Variants in SLC14A2 observed in about 807,000 individuals in gnomAD.
The protein encoded by SLC14A2 is solute carrier family 14 member 2.
SLC14A2 carries 91 observed loss-of-function variants against 104.6 expected under a neutral mutation model. The ratio of observed to expected loss-of-function variants is 0.87; its 90% CI spans 0.73 to 1.04. The LOEUF (loss-of-function observed/expected upper bound fraction) is 1.04, where lower values mean the gene tolerates loss of function less well. Ranked by LOEUF, SLC14A2 falls within the 50% of genes least tolerant of loss-of-function variation. SLC14A2 has a pLI of 0.00. For missense variants in SLC14A2, 1,189 were observed against 1,156.0 expected, an observed-to-expected ratio of 1.03 and a Z score of -0.41; for synonymous variants, 476 against 466.4, an observed-to-expected ratio of 1.02 and a Z score of -0.27.
At chr18:45,247,249 A>G (rs1432366561) in intron 1 of SLC14A2, among the ~76,000 whole-genome samples, 1 of 152,234 alleles carries the variant, frequency 6.6e-6, no homozygotes, top group Non-Finnish European at 1.5e-5. Context: ...TCCCCGGTAC[A>G]GTCAAAATTT....
chr18:45,185,665 T>G, the SLC14A2 span, among the ~76,000 whole-genome samples: 3 of 152,064 alleles, frequency 2.0e-5, no homozygotes, highest in East Asian at 1.9e-4. Context: ...AAGAAAGAAA[T>G]TCATCAAATT....
chr18:45,521,255 C>G (rs2043512345), intron 2 of SLC14A2, among the ~76,000 whole-genome samples: 1 of 152,210 alleles, frequency 6.6e-6, no homozygotes, highest in Non-Finnish European at 1.5e-5. Context: ...GAGAGTTGTG[C>G]TAGGCACTGA....
intron 1 of SLC14A2, among the ~76,000 whole-genome samples, chr18:45,305,207 G>A (rs574136283): frequency 1.3e-5 from 2 of 152,346 alleles, no homozygotes; most frequent in African/African-American, 4.8e-5. Flanking sequence ...TTGGGAGACA[G>A]GATAAGGCAC....
chr18:45,587,815 G>A (rs1372454799), intron 2 of SLC14A2, among the ~76,000 whole-genome samples: 1 of 152,108 alleles, frequency 6.6e-6, no homozygotes, highest in Non-Finnish European at 1.5e-5. Flanking sequence ...ACCCTCACCA[G>A]TTCACGGTCT....
intron 2 of SLC14A2, among the ~76,000 whole-genome samples, chr18:45,592,047 C>A (rs16978420): frequency 0.083 from 12,629 of 152,184 alleles, 631 homozygotes; most frequent in East Asian, 0.19. Context: ...CATGGCAGGG[C>A]AGTAATATAT....
chr18:45,619,878 C>T (rs1461914032), intron 1 of SLC14A2, among the ~76,000 whole-genome samples: 2 of 152,220 alleles, frequency 1.3e-5, no homozygotes, highest in Admixed American at 1.3e-4. Context: ...CACTAAGCGC[C>T]TACTATGTGC....
chr18:45,261,724 C>G (rs1413323921), intron 1 of SLC14A2, among the ~76,000 whole-genome samples: 1 of 152,160 alleles, frequency 6.6e-6, no homozygotes, highest in Non-Finnish European at 1.5e-5. Flanking sequence ...CATGTCCCTA[C>G]AAAGGACATG....
intron 2 of SLC14A2, among the ~76,000 whole-genome samples, chr18:45,504,027 A>C (rs906608784): frequency 6.6e-6 from 1 of 152,184 alleles, no homozygotes; most frequent in African/African-American, 2.4e-5. Flanking sequence ...GCTATGGCTA[A>C]AGTGCACTCA....
chr18:45,270,022 C>T (rs1599630822), intron 1 of SLC14A2, among the ~76,000 whole-genome samples: 1 of 152,254 alleles, frequency 6.6e-6, no homozygotes, highest in Non-Finnish European at 1.5e-5. Flanking sequence ...TTACATTCCC[C>T]AGATCCTAAT....
At chr18:45,482,928 A>G (rs2087524345) in intron 1 of SLC14A2, among the ~76,000 whole-genome samples, 1 of 152,218 alleles carries the variant, frequency 6.6e-6, no homozygotes, top group South Asian at 2.1e-4. Context: ...ATGAAAGAAA[A>G]GGTCACAAAA....
chr18:45,322,680 T>C (rs568628613), intron 1 of SLC14A2, among the ~76,000 whole-genome samples: 1 of 152,346 alleles, frequency 6.6e-6, no homozygotes, highest in South Asian at 2.1e-4. Context: ...TGAACTCTCA[T>C]GAGGTATCTG....
intron 1 of SLC14A2, among the ~76,000 whole-genome samples, chr18:45,406,060 A>G (rs1296987403): frequency 6.6e-6 from 1 of 152,138 alleles, no homozygotes; most frequent in African/African-American, 2.4e-5. Context: ...GTATCAATAG[A>G]CTGTTGTTCT....
At chr18:45,171,242 G>C in the SLC14A2 span, among the ~76,000 whole-genome samples, 1 of 152,004 alleles carries the variant, frequency 6.6e-6, no homozygotes, top group African/African-American at 2.4e-5. Context: ...TGGGTGTCCT[G>C]CATTTTCTCT....
intron 2 of SLC14A2, among the ~76,000 whole-genome samples, chr18:45,586,771 C>T (rs974967835): frequency 1.2e-4 from 18 of 152,052 alleles, no homozygotes; most frequent in African/African-American, 4.3e-4. Flanking sequence ...TTAGGTTACC[C>T]CCACCTTCAA....
chr18:45,303,971 A>G (rs1167276873), intron 1 of SLC14A2, among the ~76,000 whole-genome samples: 1 of 152,190 alleles, frequency 6.6e-6, no homozygotes, highest in Non-Finnish European at 1.5e-5. Flanking sequence ...TTAACAACTG[A>G]AGTGTTTTTC....
chr18:45,452,995 G>T (rs1009441192), intron 1 of SLC14A2, among the ~76,000 whole-genome samples: 3 of 152,190 alleles, frequency 2.0e-5, no homozygotes, highest in African/African-American at 7.2e-5. Context: ...TATACTTAGT[G>T]TTCAACCCCG....
At chr18:45,237,032 G>C (rs1207784300) in intron 1 of SLC14A2, among the ~76,000 whole-genome samples, 2 of 152,130 alleles carry the variant, frequency 1.3e-5, no homozygotes, top group African/African-American at 4.8e-5. Flanking sequence ...TAACTCGGAG[G>C]TCACAAGTGA....
chr18:45,566,525 A>G (rs1166852884), intron 2 of SLC14A2, among the ~76,000 whole-genome samples: 1 of 21,478 alleles, frequency 4.7e-5, no homozygotes. Context: ...GCACACACAC[A>G]CACACACACA....
At chr18:45,218,816 T>C (rs1358172036) in intron 1 of SLC14A2, among the ~76,000 whole-genome samples, 1 of 152,064 alleles carries the variant, frequency 6.6e-6, no homozygotes, top group African/African-American at 2.4e-5. Context: ...CAAATCGATT[T>C]GTGAGTGTAG....
Sources: allele counts gnomAD v4.1 joint callset (sites outside exome capture counted in the v4.1 genomes callset), GRCh38; gene constraint gnomAD v4.1.1; transcripts MANE v1.5; gene names NCBI Gene and HGNC (gene_info 2026-07-23, HGNC 2026-07-21).